CBLB: variants seen among roughly 807,000 people sequenced by gnomAD.
The protein encoded by CBLB is E3 ubiquitin-protein ligase CBL-B.
CBLB carries 31 observed loss-of-function variants against 104.9 expected under a neutral mutation model. The ratio of observed to expected loss-of-function variants is 0.30; its 90% CI spans 0.22 to 0.40. The LOEUF is 0.40. Among genes scored for constraint, CBLB ranks in the 10% least tolerant of loss-of-function variants. The probability of loss-of-function intolerance (pLI) is 1.00; values close to 1 mark genes in which losing one functional copy is unlikely to be tolerated. For missense variants in CBLB, 1,062 were observed against 1,214.6 expected (o/e 0.87, Z 1.87); for synonymous variants, 440 against 422.6 (o/e 1.04, Z -0.51).
In CBLB at chr3:105,681,575, A is replaced by G; in HGVS notation, c.2332T>C (p.Leu778=). 5 of 1,614,128 alleles carry G rather than the reference A, an allele frequency of 3.1e-6. No individual in the cohort carries two copies. Among genetic ancestry groups the G allele is most frequent in the Non-Finnish European group, 4.2e-6 (5 of 1,179,966 alleles). The change falls in exon 16 of 19, where the codon TTA becomes CTA. Residue 778 remains leucine (L), a synonymous_variant. Transcript: ENST00000394030. ...CGAGTTGGAGGCCTGGCAGGTGGTA[A>G]TGGCACGGGATCAGAGGCTGAATCA... ...VFDSASDPVP[L]PPARPPTRDN... is the part of the protein sequence containing the mutation.
At chr3:105,859,455 T>A (rs1324640020) in intron 2 of CBLB, among the ~76,000 whole-genome samples, 1 of 151,958 alleles carries the variant, frequency 6.6e-6, no homozygotes. Context: ...ATCGAGAACA[T>A]CTTGGCTAAC....
At chr3:105,674,543 G>C (rs889874268) in intron 17 of CBLB, among the ~76,000 whole-genome samples, 6 of 152,196 alleles carry the variant, frequency 3.9e-5, no homozygotes, top group Non-Finnish European at 8.8e-5. Flanking sequence ...ACTGTATTTT[G>C]TGCACTGCAC....
intron 2 of CBLB, among the ~76,000 whole-genome samples, chr3:105,855,479 T>C (rs530140722): frequency 6.6e-6 from 1 of 152,354 alleles, no homozygotes; most frequent in Non-Finnish European, 1.5e-5. Flanking sequence ...ACCATTTCAC[T>C]ATGTGTATAT....
intron 2 of CBLB, among the ~76,000 whole-genome samples, chr3:105,865,388 T>A (rs560491722): frequency 6.6e-6 from 1 of 152,094 alleles, no homozygotes; most frequent in South Asian, 2.1e-4. Context: ...CTTTGACAAA[T>A]AATGAAGACA....
At chr3:105,835,631 T>G (rs1378138850) in intron 3 of CBLB, among the ~76,000 whole-genome samples, 1 of 152,244 alleles carries the variant, frequency 6.6e-6, no homozygotes, top group Non-Finnish European at 1.5e-5. Context: ...ATTGCTAACA[T>G]ATTAAAATAC....
chr3:105,660,776 A>G (rs1019214853), intron 18 of CBLB, among the ~76,000 whole-genome samples: 4 of 152,184 alleles, frequency 2.6e-5, no homozygotes, highest in Non-Finnish European at 5.9e-5. Context: ...CGTAAATAAT[A>G]AAAGCTAATC....
chr3:105,829,652 C>T (rs1052423480), intron 3 of CBLB, among the ~76,000 whole-genome samples: 1 of 110,440 alleles, frequency 9.1e-6, no homozygotes, highest in East Asian at 2.8e-4. Context: ...CAGAGCGACA[C>T]AGCAAGACCG....
At chr3:105,708,773 A>G (rs1183169438) in intron 10 of CBLB, among the ~76,000 whole-genome samples, 5 of 152,056 alleles carry the variant, frequency 3.3e-5, no homozygotes, top group African/African-American at 1.2e-4. Context: ...ATAAAATTAA[A>G]TAATGCATTA....
Position 105,655,951 on chromosome 3 carries a change from T to C in CBLB, c.*3019A>G, listed in dbSNP as rs1392041934. 4 of 227,890 alleles carry C rather than the reference T, an allele frequency of 1.8e-5. No homozygotes were observed. The highest frequency in any genetic ancestry group is 1.1e-4 in the Admixed American group (2 of 17,624). The allele number at this position is 227,890 out of a possible 1,614,324, so 14.1% of individuals were successfully genotyped here. A position where few individuals can be genotyped will look rare whatever the true frequency, so the allele number is the denominator to read the frequency against. On this transcript the variant is annotated 3_prime_UTR_variant, in exon 19 of 19. Transcript: ENST00000394030. ...GTATATGAAATGCTGAGTTAAGAAA[T>C]GGGACCCTTTTAAGTTGCAGTGAGG...
chr3:105,702,843 A>G (rs184742400), intron 11 of CBLB, among the ~76,000 whole-genome samples: 1 of 152,316 alleles, frequency 6.6e-6, no homozygotes, highest in East Asian at 1.9e-4. Context: ...TCATGGTTTC[A>G]GTTTTTTTAA....
intron 3 of CBLB, among the ~76,000 whole-genome samples, chr3:105,846,151 G>A (rs532046298): frequency 3.2e-4 from 49 of 152,048 alleles, no homozygotes; most frequent in African/African-American, 1.2e-3. Flanking sequence ...AAATACTTGT[G>A]TTCAAAAGAA....
intron 7 of CBLB, among the ~76,000 whole-genome samples, chr3:105,740,178 T>A (rs973906111): frequency 6.6e-6 from 1 of 152,230 alleles, no homozygotes; most frequent in South Asian, 2.1e-4. Flanking sequence ...TTATTCTAAA[T>A]AATTTTCTCT....
intron 3 of CBLB, among the ~76,000 whole-genome samples, chr3:105,806,193 T>C (rs961179255): frequency 1.1e-4 from 16 of 152,160 alleles, no homozygotes; most frequent in African/African-American, 3.6e-4. Context: ...TGATTCTGGG[T>C]TTAAAAACTC....
chr3:105,849,836 A>G (rs150966182), intron 3 of CBLB, among the ~76,000 whole-genome samples: 1 of 152,242 alleles, frequency 6.6e-6, no homozygotes, highest in African/African-American at 2.4e-5. Context: ...TTGAAAAAAG[A>G]ATTATAAAGA....
chr3:105,826,370 C>A (rs12637560), intron 3 of CBLB, among the ~76,000 whole-genome samples: 1 of 152,054 alleles, frequency 6.6e-6, no homozygotes, highest in African/African-American at 2.4e-5. Context: ...ACAAGACATG[C>A]TATCCTAGAA....
intron 3 of CBLB, among the ~76,000 whole-genome samples, chr3:105,830,888 T>C (rs533290851): frequency 7.9e-5 from 12 of 152,328 alleles, no homozygotes; most frequent in African/African-American, 2.9e-4. Context: ...ATATAGCATG[T>C]AGTCTAGTGT....
chr3:105,784,979 C>G (rs543395525), intron 3 of CBLB, among the ~76,000 whole-genome samples: 5 of 152,110 alleles, frequency 3.3e-5, no homozygotes, highest in African/African-American at 7.2e-5. Context: ...ACCAGCTTTA[C>G]GTCAAAATAC....
At chr3:105,661,700 T>C (rs1411454488) in intron 18 of CBLB, among the ~76,000 whole-genome samples, 4 of 152,178 alleles carry the variant, frequency 2.6e-5, no homozygotes. Flanking sequence ...TAATAAATGG[T>C]ATAACTGGCA....
intron 14 of CBLB, chr3:105,682,076 T>C (rs551924325): frequency 3.0e-4 from 130 of 427,654 alleles, no homozygotes; most frequent in African/African-American, 2.5e-3. Flanking sequence ...ATTGTTGATA[T>C]CCTAAACACT....
Sources: allele counts gnomAD v4.1 joint callset (sites outside exome capture counted in the v4.1 genomes callset), GRCh38; gene constraint gnomAD v4.1.1; transcripts MANE v1.5; gene names NCBI Gene and HGNC (gene_info 2026-07-23, HGNC 2026-07-21).